The following GABRG3 variants were observed in gnomAD, a reference collection of about 807,000 sequenced individuals.
GABRG3 encodes gamma-aminobutyric acid receptor subunit gamma-3.
In GABRG3, 25 loss-of-function variants were observed where a neutral mutation model predicts 48.8. The ratio of observed to expected loss-of-function variants is 0.51; its 90% CI spans 0.37 to 0.72. GABRG3 has a LOEUF of 0.72. Among genes scored for constraint, GABRG3 ranks in the 30% least tolerant of loss-of-function variants. GABRG3 has a pLI of 0.00. For synonymous variants in GABRG3, 227 were observed against 217.6 expected, an observed-to-expected ratio of 1.04 and a Z score of -0.38; for missense variants, 394 against 577.9, an observed-to-expected ratio of 0.68 and a Z score of 3.26.
chr15:27,308,319 CAT>C (rs1404570016), intron 3 of GABRG3, among the ~76,000 whole-genome samples: 1 of 138,810 alleles, frequency 7.2e-6, no homozygotes, highest in Non-Finnish European at 1.6e-5. Flanking sequence ...CATATATAAA[CAT>C]ACGTTTATAT....
chr15:27,227,067 G>C (rs561934810), intron 3 of GABRG3, among the ~76,000 whole-genome samples: 1 of 152,320 alleles, frequency 6.6e-6, no homozygotes, highest in South Asian at 2.1e-4. Context: ...ACAGCCAGCC[G>C]CCTGTAAGGT....
intron 2 of GABRG3, among the ~76,000 whole-genome samples, chr15:27,002,744 CAAAAA>C (rs71413297): frequency 3.9e-5 from 1 of 25,492 alleles, no homozygotes; most frequent in Non-Finnish European, 8.0e-5. Context: ...CCGTGTCTCT[CAAAAA>C]AAAAAAAAAA....
At chr15:27,410,845 C>CT (rs146416522) in intron 5 of GABRG3, among the ~76,000 whole-genome samples, 1 of 143,630 alleles carries the variant, frequency 7.0e-6, no homozygotes, top group African/African-American at 2.6e-5. Context: ...TGCGCACGCT[C>CT]GTGTGTGTGT....
At chr15:27,376,416 A>C (rs1328900037) in intron 5 of GABRG3, among the ~76,000 whole-genome samples, 1 of 152,154 alleles carries the variant, frequency 6.6e-6, no homozygotes, top group Non-Finnish European at 1.5e-5. Context: ...GACCAACCCC[A>C]CATTTTCCTT....
intron 3 of GABRG3, among the ~76,000 whole-genome samples, chr15:27,080,103 T>C (rs1182365541): frequency 1.3e-5 from 2 of 152,122 alleles, no homozygotes; most frequent in East Asian, 3.9e-4. Flanking sequence ...CTCTCTAAGG[T>C]TGCCTCAAGG....
At chr15:27,087,687 GTA>G (rs1174975111) in intron 3 of GABRG3, among the ~76,000 whole-genome samples, 1 of 152,104 alleles carries the variant, frequency 6.6e-6, no homozygotes, top group Non-Finnish European at 1.5e-5. Flanking sequence ...GCTGTGGAAT[GTA>G]TGAGTGGGGG....
chr15:27,132,647 G>T (rs1246260125), intron 3 of GABRG3, among the ~76,000 whole-genome samples: 1 of 150,618 alleles, frequency 6.6e-6, no homozygotes, highest in Non-Finnish European at 1.5e-5. Context: ...AAAATTGGTT[G>T]TAATGTCTCT....
Position 27,063,632 on chromosome 15 carries a change from C to G in GABRG3, c.270+36811C>G, listed in dbSNP as rs558899766. 5.3e-5 allele frequency among the ~76,000 whole-genome samples: 8 copies of G among 152,358 alleles called. No individual in the cohort carries two copies. The South Asian group carries it at 1.7e-3, about 32-fold the overall frequency. ...CCTGTACAGCCTGCAGAACTGTGAGCAGTTAAACCTCTTTTCTTCTAAATC... is the reference window on the plus strand; with the variant it reads ...CCTGTACAGCCTGCAGAACTGTGAGGAGTTAAACCTCTTTTCTTCTAAATC... On this transcript the variant is annotated intron_variant, in intron 3 of 9. Transcript: ENST00000615808.
chr15:27,036,860 C>T (rs558991579), intron 3 of GABRG3, among the ~76,000 whole-genome samples: 3 of 152,258 alleles, frequency 2.0e-5, no homozygotes, highest in Non-Finnish European at 2.9e-5. Flanking sequence ...CGTTGAGTCT[C>T]ATCCTCCAGT....
Position 26,984,309 on chromosome 15 carries a change from C to T in GABRG3, c.202+7159C>T, listed in dbSNP as rs555427643. On this transcript the variant is annotated intron_variant, in intron 2 of 9. Transcript: ENST00000615808. ...GCATCTCCCAACATACGTGGTCCAA[C>T]TGCAGCAGGGCGATCCATCATCAGG... 7.2e-5 allele frequency among the ~76,000 whole-genome samples: 11 copies of T among 152,166 alleles called. No individual in the cohort carries two copies. In the East Asian group the frequency reaches 2.1e-3, roughly 29 times the overall value.
At chr15:27,345,915 A>G in intron 5 of GABRG3, among the ~76,000 whole-genome samples, 1 of 151,924 alleles carries the variant, frequency 6.6e-6, no homozygotes, top group Non-Finnish European at 1.5e-5. Flanking sequence ...TTAGCAGGGC[A>G]TGGTGGCACA....
At chr15:27,398,590 G>A (rs995056296) in intron 5 of GABRG3, among the ~76,000 whole-genome samples, 1 of 151,936 alleles carries the variant, frequency 6.6e-6, no homozygotes, top group Admixed American at 6.6e-5. Flanking sequence ...GTGGTATAGT[G>A]GAAGTGTAGA....
chr15:27,283,556 A>G (rs1566993047), intron 3 of GABRG3, among the ~76,000 whole-genome samples: 1 of 152,176 alleles, frequency 6.6e-6, no homozygotes, highest in Non-Finnish European at 1.5e-5. Context: ...GTGGGCAGAG[A>G]TGGCACACAG....
At position 27,534,484 on chromosome 15, in the gene GABRG3, T is replaced by C. The variant is rs1891505131; in HGVS notation, c.*1603T>C. On this transcript the variant is annotated 3_prime_UTR_variant, in exon 10 of 10. Coordinates refer to ENST00000615808, the MANE Select transcript of GABRG3 (RefSeq NM_033223.5). ...AACACAAGTCCTACCAGTTAGTTAA[T>C]AATGCTTTGGCATTGTTAAAATTTG... 1.3e-5 allele frequency: 2 copies of C among 152,238 alleles called. No homozygotes were observed. The highest frequency in any genetic ancestry group is 4.8e-5 in the African/African-American group (2 of 41,476). 9.4% of individuals were successfully genotyped at this position (152,238 alleles called of 1,614,324 possible).
Position 27,030,929 on chromosome 15 carries a change from G to A in GABRG3, c.270+4108G>A, listed in dbSNP as rs576663801. ...CCACAGCCTTAACATAGACACAAAA[G>A]GCTCAGTGTTAGGATTACTTTTCTG... On this transcript the variant is annotated intron_variant, in intron 3 of 9. Transcript: ENST00000615808. Among the ~76,000 whole-genome samples the A allele has an allele frequency of 7.9e-5, 12 of 152,124 alleles. No homozygotes were observed. The South Asian group carries it at 2.5e-3, about 32-fold the overall frequency.
chr15:27,501,167 G>A (rs1002080393), intron 6 of GABRG3, among the ~76,000 whole-genome samples: 1 of 152,056 alleles, frequency 6.6e-6, no homozygotes, highest in African/African-American at 2.4e-5. Flanking sequence ...TAACCAGGAT[G>A]GTCTCGATCT....
chr15:27,238,900 T>C (rs1890054586), intron 3 of GABRG3, among the ~76,000 whole-genome samples: 1 of 152,176 alleles, frequency 6.6e-6, no homozygotes, highest in East Asian at 1.9e-4. Flanking sequence ...CTTCCACATA[T>C]GTCACGATTG....
chr15:27,255,593 C>CTT (rs11372328), intron 3 of GABRG3, among the ~76,000 whole-genome samples: 1 of 151,360 alleles, frequency 6.6e-6, no homozygotes, highest in African/African-American at 2.4e-5. Flanking sequence ...TTCATCTTTC[C>CTT]TTTTTTTTTG....
At chr15:27,108,144 G>A (rs1461034271) in intron 3 of GABRG3, among the ~76,000 whole-genome samples, 1 of 151,856 alleles carries the variant, frequency 6.6e-6, no homozygotes, top group Non-Finnish European at 1.5e-5. Flanking sequence ...GTTCTCTAAA[G>A]TAGGAGCTTA....
Sources: allele counts gnomAD v4.1 joint callset (sites outside exome capture counted in the v4.1 genomes callset), GRCh38; gene constraint gnomAD v4.1.1; transcripts MANE v1.5; gene names NCBI Gene and HGNC (gene_info 2026-07-23, HGNC 2026-07-21).